Variants in SHISA6 observed in about 807,000 individuals in gnomAD.
SHISA6 encodes the protein protein shisa-6.
In SHISA6, 22 loss-of-function variants were observed where a neutral mutation model predicts 47.9. The ratio of observed to expected loss-of-function variants is 0.46; its 90% CI spans 0.33 to 0.66. The LOEUF is 0.66. Among genes scored for constraint, SHISA6 ranks in the 30% least tolerant of loss-of-function variants. SHISA6 has a pLI of 0.02. For missense variants in SHISA6, 680 were observed against 764.6 expected, an observed-to-expected ratio of 0.89 and a Z score of 1.30; for synonymous variants, 388 against 337.8, an observed-to-expected ratio of 1.15 and a Z score of -1.63.
intron 3 of SHISA6, among the ~76,000 whole-genome samples, chr17:11,414,330 C>T (rs1914219100): frequency 6.6e-6 from 1 of 152,160 alleles, no homozygotes; most frequent in Non-Finnish European, 1.5e-5. Context: ...ATATCCCTAC[C>T]AGACTCTCAA....
chr17:11,252,547 A>G (rs577361554), intron 1 of SHISA6, among the ~76,000 whole-genome samples: 13 of 152,132 alleles, frequency 8.5e-5, no homozygotes, highest in Non-Finnish European at 1.8e-4. Flanking sequence ...TCAAGAGCCC[A>G]TCCATCCACT....
chr17:11,534,428 T>G (rs2071767880), intron 3 of SHISA6, among the ~76,000 whole-genome samples: 1 of 152,136 alleles, frequency 6.6e-6, no homozygotes, highest in Non-Finnish European at 1.5e-5. Context: ...ATTTATCCAC[T>G]CAATGGATGC....
At chr17:11,275,430 G>T (rs1228438132) in intron 2 of SHISA6, among the ~76,000 whole-genome samples, 1 of 152,138 alleles carries the variant, frequency 6.6e-6, no homozygotes, top group Non-Finnish European at 1.5e-5. Context: ...CAGATTCATT[G>T]ATTCCTTCGT....
intron 3 of SHISA6, among the ~76,000 whole-genome samples, chr17:11,539,645 T>A (rs1469970610): frequency 6.6e-6 from 1 of 152,234 alleles, no homozygotes; most frequent in African/African-American, 2.4e-5. Flanking sequence ...TAACTGCTGC[T>A]GGTGGTCCAC....
intron 3 of SHISA6, among the ~76,000 whole-genome samples, chr17:11,428,779 CTTTTTT>C (rs34920362): frequency 1.1e-3 from 101 of 96,024 alleles, no homozygotes; most frequent in African/African-American, 4.2e-3. Context: ...GATCCACTTT[CTTTTTT>C]TTTTTTTTTT....
chr17:11,451,161 G>A (rs933288690), intron 3 of SHISA6, among the ~76,000 whole-genome samples: 7 of 151,970 alleles, frequency 4.6e-5, no homozygotes, highest in Admixed American at 3.9e-4. Context: ...CACTCTTCCA[G>A]GCATCTCAAA....
intron 2 of SHISA6, among the ~76,000 whole-genome samples, chr17:11,302,154 A>G (rs1354419843): frequency 6.6e-6 from 1 of 152,144 alleles, no homozygotes; most frequent in Non-Finnish European, 1.5e-5. Flanking sequence ...TGGAGACACA[A>G]TTCAAATTGA....
At chr17:11,256,601 C>T (rs1165316530) in intron 1 of SHISA6, among the ~76,000 whole-genome samples, 1 of 152,194 alleles carries the variant, frequency 6.6e-6, no homozygotes, top group East Asian at 1.9e-4. Context: ...CATCTGTCCC[C>T]TGGTTGACCA....
chr17:11,292,824 A>ATT (rs35397647), intron 2 of SHISA6, among the ~76,000 whole-genome samples: 30,508 of 135,476 alleles, frequency 0.23, 3,567 homozygotes, highest in Non-Finnish European at 0.27. Context: ...AATCAGATTG[A>ATT]TTTTTTTTTT....
chr17:11,540,726 C>T (rs2071826323), intron 3 of SHISA6, among the ~76,000 whole-genome samples: 1 of 152,156 alleles, frequency 6.6e-6, no homozygotes, highest in Admixed American at 6.5e-5. Context: ...TTCTCAGTGC[C>T]TTTAACATGC....
intron 2 of SHISA6, among the ~76,000 whole-genome samples, chr17:11,375,306 G>A (rs1194144656): frequency 6.6e-6 from 1 of 152,070 alleles, no homozygotes; most frequent in Non-Finnish European, 1.5e-5. Flanking sequence ...GTTGTCCTCT[G>A]TGCCCTGTCT....
intron 1 of SHISA6, among the ~76,000 whole-genome samples, chr17:11,248,404 G>C (rs1476941471): frequency 6.6e-6 from 1 of 152,172 alleles, no homozygotes; most frequent in African/African-American, 2.4e-5. Flanking sequence ...GTGCCAAGGA[G>C]CCCAGCTAGT....
intron 2 of SHISA6, among the ~76,000 whole-genome samples, chr17:11,312,054 G>A (rs1910358923): frequency 6.6e-6 from 1 of 152,110 alleles, no homozygotes; most frequent in African/African-American, 2.4e-5. Context: ...GATTACAGGT[G>A]TGAGCCACCA....
At chr17:11,247,746 G>A (rs1185290118) in intron 1 of SHISA6, among the ~76,000 whole-genome samples, 7 of 148,392 alleles carry the variant, frequency 4.7e-5, no homozygotes, top group East Asian at 2.0e-4. Flanking sequence ...CCTGAGTTAC[G>A]TTTATGACCT....
chr17:11,343,990 A>G (rs1237667372), intron 2 of SHISA6, among the ~76,000 whole-genome samples: 3 of 152,094 alleles, frequency 2.0e-5, no homozygotes, highest in African/African-American at 7.2e-5. Flanking sequence ...CACCTGGCCT[A>G]TCATCTGTCT....
chr17:11,249,832 A>G (rs1907735428), intron 1 of SHISA6, among the ~76,000 whole-genome samples: 2 of 152,214 alleles, frequency 1.3e-5, no homozygotes, highest in East Asian at 3.9e-4. Flanking sequence ...GCCTCCAGTA[A>G]TGAGACTTGC....
chr17:11,429,302 G>A (rs1914687103), intron 3 of SHISA6, among the ~76,000 whole-genome samples: 1 of 152,118 alleles, frequency 6.6e-6, no homozygotes, highest in Non-Finnish European at 1.5e-5. Flanking sequence ...GGAAGTCACG[G>A]TCTTTTATTA....
intron 2 of SHISA6, among the ~76,000 whole-genome samples, chr17:11,285,114 T>C (rs546734211): frequency 2.6e-5 from 4 of 152,352 alleles, no homozygotes; most frequent in African/African-American, 9.6e-5. Context: ...TTAATTGATA[T>C]ATGTGCTTCT....
Position 11,241,999 on chromosome 17 carries a change from G to T in SHISA6, c.577G>T (p.Val193Phe). The part of the protein sequence containing the change: ...GVIAFVIVAG[V>F]FAKVSYDKAH... ...GATCGCCTTCGTCATCGTGGCCGGC[G>T]TCTTCGCCAAGGTCTCCTACGACAA... The change falls in exon 1 of 6, where the codon GTC (valine) becomes TTC (phenylalanine). Residue 193 changes from valine (V) to phenylalanine (F), a missense_variant. Val to Phe is a conservative substitution (Grantham distance 50). This residue lies in a region of SHISA6 where 559 missense variants were observed against 674.1 expected (regional missense o/e 0.83). Transcript: ENST00000441885. The surrounding 1 kb of genome is among the most constrained non-coding windows in gnomAD (Gnocchi z 5.5). 1 of 1,551,072 alleles carries T rather than the reference G, an allele frequency of 6.4e-7. No homozygotes were observed. The highest frequency in any genetic ancestry group is 2.4e-5 in the East Asian group (1 of 40,888).
Sources: allele counts gnomAD v4.1 joint callset (sites outside exome capture counted in the v4.1 genomes callset), GRCh38; gene constraint gnomAD v4.1.1; regional missense constraint gnomAD v4.1.1; non-coding constraint Gnocchi (gnomAD v3.1); transcripts MANE v1.5; gene names NCBI Gene and HGNC (gene_info 2026-07-23, HGNC 2026-07-21).